Variants in MMP16 observed in about 807,000 individuals in gnomAD.
MMP16 encodes the protein matrix metalloproteinase-16.
In MMP16, 12 loss-of-function variants were observed where a neutral mutation model predicts 67.8. The observed-to-expected ratio is 0.18, with a 90% CI of 0.11 to 0.29. The LOEUF is 0.29. Ranked by LOEUF, MMP16 falls within the 10% of genes least tolerant of loss-of-function variation. The pLI is 1.00. For synonymous variants in MMP16, 249 were observed against 255.9 expected (o/e 0.97, Z 0.26); for missense variants, 475 against 765.7 (o/e 0.62, Z 4.48).
chr8:88,126,907 A>T (rs1443784019), intron 4 of MMP16, among the ~76,000 whole-genome samples: 1 of 151,822 alleles, frequency 6.6e-6, no homozygotes, highest in African/African-American at 2.4e-5. Flanking sequence ...TTTACTGCAA[A>T]GAGTGGTAAT....
At chr8:88,270,429 T>C (rs917898393) in intron 1 of MMP16, among the ~76,000 whole-genome samples, 2 of 152,288 alleles carry the variant, frequency 1.3e-5, no homozygotes, top group African/African-American at 4.8e-5. Flanking sequence ...CTGCAACTCA[T>C]ATAGTATCTG....
intron 1 of MMP16, among the ~76,000 whole-genome samples, chr8:88,277,390 C>A (rs1184644264): frequency 1.3e-5 from 2 of 152,130 alleles, no homozygotes; most frequent in South Asian, 4.1e-4. Context: ...ATCTACATCT[C>A]CACCCAGGTG....
chr8:88,056,178 T>C lies in MMP16; in HGVS notation c.1323A>G (p.Ser441=), dbSNP rs1808330020. The change falls in exon 8 of 10, where the codon TCA becomes TCG. Residue 441 remains serine (S), a synonymous_variant. Transcript: ENST00000286614. ...TCCCGACGTCCTCCCACCAAATGGC[T>C]GAATCAATACCATGAGGGGGAATTC... ...GSGIPPHGID[S]AIWWEDVGKT... is the part of the protein sequence containing the mutation. 1 of 1,595,048 alleles carries C rather than the reference T, an allele frequency of 6.3e-7. No homozygotes were observed. The highest frequency in any genetic ancestry group is 8.6e-7 in the Non-Finnish European group (1 of 1,169,328).
intron 4 of MMP16, among the ~76,000 whole-genome samples, chr8:88,149,520 G>T (rs193063861): frequency 1.2e-4 from 19 of 152,252 alleles, no homozygotes; most frequent in African/African-American, 3.6e-4. Context: ...ATCTGAGAAC[G>T]GGGGGACTGC....
At chr8:88,113,837 A>G (rs1158725974) in intron 6 of MMP16, among the ~76,000 whole-genome samples, 3 of 152,032 alleles carry the variant, frequency 2.0e-5, no homozygotes, top group African/African-American at 7.2e-5. Flanking sequence ...GTTCACTGCT[A>G]CATAGCCAGT....
intron 1 of MMP16, among the ~76,000 whole-genome samples, chr8:88,297,448 T>C (rs1274304595): frequency 6.6e-6 from 1 of 152,122 alleles, no homozygotes; most frequent in Non-Finnish European, 1.5e-5. Flanking sequence ...TGATTAACCA[T>C]AGAGATGGCC....
intron 8 of MMP16, among the ~76,000 whole-genome samples, chr8:88,048,592 A>G (rs1478443510): frequency 1.3e-5 from 2 of 152,166 alleles, no homozygotes; most frequent in Non-Finnish European, 2.9e-5. Flanking sequence ...GAATTCTTGG[A>G]GGACAATGAA....
chr8:88,144,934 C>T (rs1282602161), intron 4 of MMP16, among the ~76,000 whole-genome samples: 1 of 152,000 alleles, frequency 6.6e-6, no homozygotes, highest in Non-Finnish European at 1.5e-5. Flanking sequence ...AGAATTTTCT[C>T]ACTGAATAAG....
At chr8:88,173,110 C>A (rs891437618) in intron 3 of MMP16, among the ~76,000 whole-genome samples, 1 of 152,092 alleles carries the variant, frequency 6.6e-6, no homozygotes, top group African/African-American at 2.4e-5. Context: ...AGTGCAGTGG[C>A]AAGATCACAG....
At chr8:88,092,900 T>C (rs1030422245) in intron 6 of MMP16, among the ~76,000 whole-genome samples, 11 of 151,946 alleles carry the variant, frequency 7.2e-5, no homozygotes, top group African/African-American at 2.4e-4. Context: ...ACCATCTGTA[T>C]CTGTAACCCA....
intron 1 of MMP16, among the ~76,000 whole-genome samples, chr8:88,214,717 T>C (rs566481895): frequency 6.6e-6 from 1 of 152,322 alleles, no homozygotes; most frequent in African/African-American, 2.4e-5. Context: ...TCATGTTGTA[T>C]AACTGATCTC....
intron 4 of MMP16, among the ~76,000 whole-genome samples, chr8:88,132,752 A>T (rs1285857541): frequency 6.6e-6 from 1 of 151,896 alleles, no homozygotes; most frequent in Non-Finnish European, 1.5e-5. Flanking sequence ...GCTTACACTC[A>T]GGAGGAGAGG....
chr8:88,144,619 C>T (rs971582948), intron 4 of MMP16, among the ~76,000 whole-genome samples: 2 of 151,586 alleles, frequency 1.3e-5, no homozygotes, highest in African/African-American at 2.4e-5. Flanking sequence ...AATAAAGTTC[C>T]ATTTTATATA....
At position 88,034,238 on chromosome 8, in the gene MMP16, TAA is replaced by T. The variant is rs34562051; in HGVS notation, c.*7221_*7222del. ...AAGGGAAGGGAAAACCAAATCTGTG[TAA>T]AAAAAAAAAAAAAAGGCAAGATAGG... On this transcript the variant is annotated 3_prime_UTR_variant, in exon 10 of 10. Coordinates refer to ENST00000286614, the MANE Select transcript of MMP16 (RefSeq NM_005941.5). The T allele has an allele frequency of 5.2e-3, 608 of 117,326 alleles. 3 individuals are homozygous for T. Among genetic ancestry groups the T allele is most frequent in the African/African-American group, 0.013 (421 of 32,644 alleles). 7.3% of individuals were successfully genotyped at this position (117,326 alleles called of 1,614,324 possible).
At chr8:88,119,619 G>A (rs1474734158) in intron 4 of MMP16, among the ~76,000 whole-genome samples, 3 of 151,914 alleles carry the variant, frequency 2.0e-5, no homozygotes, top group Non-Finnish European at 2.9e-5. Context: ...GAGATATTTG[G>A]TGTGATTTTA....
At position 88,039,869 on chromosome 8, in the gene MMP16, C is replaced by T. The variant is rs1808107852; in HGVS notation, c.*1592G>A. On this transcript the variant is annotated 3_prime_UTR_variant, in exon 10 of 10. Coordinates refer to ENST00000286614, the MANE Select transcript of MMP16 (RefSeq NM_005941.5). This position sits in a 1 kb window ranked among gnomAD's most constrained non-coding sequence, Gnocchi z 4.5. ...TGCAGGTCACATGAAAATGACAATA[C>T]TGCTGTTAGGACAAATTACACTCAA... The T allele has an allele frequency of 6.6e-6, 1 of 152,582 alleles. No homozygotes were observed. Among genetic ancestry groups the T allele is most frequent in the Non-Finnish European group, 1.5e-5 (1 of 68,036 alleles). The allele number at this position is 152,582 out of a possible 1,614,324, so 9.5% of individuals were successfully genotyped here. A position where few individuals can be genotyped will look rare whatever the true frequency, so the allele number is the denominator to read the frequency against.
chr8:88,189,771 A>T (rs570376107), intron 2 of MMP16, among the ~76,000 whole-genome samples: 27 of 152,212 alleles, frequency 1.8e-4, no homozygotes, highest in African/African-American at 6.3e-4. Flanking sequence ...TGAGAATCCT[A>T]ATTATTCTTT....
At chr8:88,272,064 A>C (rs1008992462) in intron 1 of MMP16, among the ~76,000 whole-genome samples, 1 of 152,212 alleles carries the variant, frequency 6.6e-6, no homozygotes, top group African/African-American at 2.4e-5. Flanking sequence ...TATAAACTAC[A>C]TTAATAACAT....
At chr8:88,253,697 A>C (rs976346977) in intron 1 of MMP16, among the ~76,000 whole-genome samples, 1 of 151,812 alleles carries the variant, frequency 6.6e-6, no homozygotes. Context: ...AATAAAAATA[A>C]ATAATATATA....
Sources: allele counts gnomAD v4.1 joint callset (sites outside exome capture counted in the v4.1 genomes callset), GRCh38; gene constraint gnomAD v4.1.1; non-coding constraint Gnocchi (gnomAD v3.1); transcripts MANE v1.5; gene names NCBI Gene and HGNC (gene_info 2026-07-23, HGNC 2026-07-21).